The following HERC5 variants were observed in gnomAD, a reference collection of about 807,000 sequenced individuals.
HERC5 encodes E3 ISG15--protein ligase HERC5.
In HERC5, 99 loss-of-function variants were observed where a neutral mutation model predicts 119.6. That is an observed-to-expected ratio of 0.83 (90% CI 0.70 to 0.98). HERC5 has a LOEUF of 0.98. HERC5 is among the 50% of genes least tolerant of loss of function. The pLI is 0.00. For missense variants in HERC5, 1,267 were observed against 1,241.3 expected, an observed-to-expected ratio of 1.02 and a Z score of -0.31; for synonymous variants, 478 against 445.9, an observed-to-expected ratio of 1.07 and a Z score of -0.91.
chr4:88,505,594 A>T, intron 22 of HERC5, 79 bp from the exon 23 acceptor site: 1 of 823,004 alleles, frequency 1.2e-6, no homozygotes, highest in Non-Finnish European at 1.9e-6. Context: ...AAGTTTTGTG[A>T]ATAAATAGAT....
chr4:88,472,419 G>C lies in HERC5; in HGVS notation c.1309G>C (p.Glu437Gln). The C allele has an allele frequency of 6.3e-7, 1 of 1,580,900 alleles. No individual in the cohort carries two copies. Among genetic ancestry groups the C allele is most frequent in the Non-Finnish European group, 8.7e-7 (1 of 1,154,012 alleles). ...GSFLRKRRTT[E>Q]MMPVYLDLNK... ...ATCTTTCTTCTACAGAAGAACTACA[G>C]AAATGATGCCTGTTTATTTGGACTT... is the stretch of plus-strand genomic sequence containing the variant. Residue 437 changes from glutamate to glutamine, a missense_variant, in exon 11 of 23, where the codon GAA (glutamate) becomes CAA (glutamine). Transcript: ENST00000264350.
At chr4:88,465,073 A>G (rs1413504782) in intron 6 of HERC5, among the ~76,000 whole-genome samples, 1 of 151,996 alleles carries the variant, frequency 6.6e-6, no homozygotes, top group Non-Finnish European at 1.5e-5. Flanking sequence ...CCTGGCCACA[A>G]CCGGCTAATT....
chr4:88,494,205 T>C lies in HERC5; in HGVS notation c.2318T>C (p.Leu773Pro). Reference protein sequence around the residue: ...EKKRYFFFGVLCGLSLFNCNV... With the variant: ...EKKRYFFFGVPCGLSLFNCNV... Reference sequence around the variant, plus strand: ...AAAAGATACTTCTTTTTTGGGGTTCTATGTGGACTTTCCCTGTTCAATTGC... The same window carrying C: ...AAAAGATACTTCTTTTTTGGGGTTCCATGTGGACTTTCCCTGTTCAATTGC... Residue 773 changes from leucine to proline, a missense_variant, in exon 18 of 23, where the codon CTA becomes CCA. Physicochemically the swap from Leu to Pro is moderately conservative, Grantham distance 98. This residue lies in a region of HERC5 where 473 missense variants were observed against 445.7 expected (regional missense o/e 1.06). Coordinates refer to ENST00000264350, the MANE Select transcript of HERC5 (RefSeq NM_016323.4). The C allele has an allele frequency of 6.2e-7, 1 of 1,613,082 alleles. No individual in the cohort carries two copies. The highest frequency in any genetic ancestry group is 2.2e-5 in the East Asian group (1 of 44,814).
chr4:88,463,833 A>C, intron 5 of HERC5, 22 bp from the exon 6 acceptor site: 2 of 1,612,152 alleles, frequency 1.2e-6, no homozygotes, highest in East Asian at 4.5e-5. Context: ...CTAGCATCTG[A>C]TATGACATTC....
chr4:88,464,115 T>TCTAA, intron 6 of HERC5, 130 bp downstream of exon 6: 7 of 660,044 alleles, frequency 1.1e-5, no homozygotes, highest in South Asian at 3.1e-5. Context: ...GCTTAATTTA[T>TCTAA]ATTATTTAGA....
At chr4:88,495,351 C>G (rs1159455769) in intron 18 of HERC5, among the ~76,000 whole-genome samples, 1 of 152,100 alleles carries the variant, frequency 6.6e-6, no homozygotes, top group African/African-American at 2.4e-5. Flanking sequence ...GAGTTTGAGA[C>G]CTGCCTGACC....
At chr4:88,469,096 G>A in intron 8 of HERC5, 61 bp from the exon 9 acceptor site, 1 of 1,056,504 alleles carries the variant, frequency 9.5e-7, no homozygotes, top group Non-Finnish European at 1.5e-6. Flanking sequence ...GTACCTAAAA[G>A]TTGGGTGCCT....
At chr4:88,468,056 C>A in intron 7 of HERC5, 1 of 210,438 alleles carries the variant, frequency 4.8e-6, no homozygotes, top group Non-Finnish European at 8.8e-6. Context: ...TTGAATTAAA[C>A]TGATAACATT....
At position 88,489,154 on chromosome 4, in the gene HERC5, C is replaced by T; in HGVS notation, c.1963-12C>T. On this transcript the variant is annotated splice_polypyrimidine_tract_variant and intron_variant, in intron 15 of 22. Coordinates refer to ENST00000264350, the MANE Select transcript of HERC5 (RefSeq NM_016323.4). ...AAAATGAAGTGTAATATTTCTGTTT[C>T]TGTTTTCCTAGAGTAAAAAACATAA... The T allele has an allele frequency of 6.3e-7, 1 of 1,591,532 alleles. No individual in the cohort carries two copies. The highest frequency in any genetic ancestry group is 8.5e-7 in the Non-Finnish European group (1 of 1,171,344).
intron 21 of HERC5, 37 bp from the exon 22 acceptor site, chr4:88,504,458 C>CT: frequency 6.4e-7 from 1 of 1,565,794 alleles, no homozygotes; most frequent in Non-Finnish European, 8.7e-7. Flanking sequence ...GTTTTCCTTC[C>CT]TATTTCCTCA....
At chr4:88,463,763 A>G in intron 5 of HERC5, 92 bp from the exon 6 acceptor site, 2 of 1,456,008 alleles carry the variant, frequency 1.4e-6, no homozygotes, top group African/African-American at 2.8e-5. Context: ...TTACTTTGAC[A>G]GTGCTATTTA....
Position 88,462,292 on chromosome 4 carries a change from G to A in HERC5, c.624G>A (p.Met208Ile). The A allele has an allele frequency of 2.5e-6, 4 of 1,614,178 alleles. No individual in the cohort carries two copies. The highest frequency in any genetic ancestry group is 3.4e-6 in the Non-Finnish European group (4 of 1,180,030). Residue 208 changes from methionine to isoleucine, a missense_variant, in exon 4 of 23, where the codon ATG (methionine) becomes ATA (isoleucine). Physicochemically the swap from Met to Ile is conservative, Grantham distance 10. Transcript: ENST00000264350. The part of the protein sequence containing the change: ...AGEAHSMALS[M>I]SGNIYSWGKN... ...AAGCCCACAGCATGGCCTTATCCAT[G>A]TCTGGCAACATTTATTCATGGGGAA... is the stretch of plus-strand genomic sequence containing the variant.
intron 22 of HERC5, among the ~76,000 whole-genome samples, chr4:88,505,008 C>T (rs1316052013): frequency 2.6e-5 from 4 of 152,172 alleles, no homozygotes; most frequent in Admixed American, 2.0e-4. Flanking sequence ...ATGACTTTCT[C>T]ATTTTCTATT....
chr4:88,490,276 T>C (rs1741593327), intron 16 of HERC5, among the ~76,000 whole-genome samples: 1 of 152,120 alleles, frequency 6.6e-6, no homozygotes, highest in East Asian at 1.9e-4. Context: ...TCAACAACAT[T>C]ATGTGGCAGA....
At chr4:88,493,318 G>A (rs1741703405) in intron 17 of HERC5, among the ~76,000 whole-genome samples, 163 bp downstream of exon 17, 1 of 152,116 alleles carries the variant, frequency 6.6e-6, no homozygotes. Flanking sequence ...TCTTTAAAAT[G>A]GAGTTTCCTT....
intron 18 of HERC5, among the ~76,000 whole-genome samples, chr4:88,499,352 G>C (rs973291878): frequency 6.6e-6 from 1 of 152,224 alleles, no homozygotes; most frequent in Non-Finnish European, 1.5e-5. Flanking sequence ...CATGTATAAA[G>C]CATCATAGGA....
At chr4:88,467,256 G>A in intron 7 of HERC5, 52 bp downstream of exon 7, 2 of 1,558,342 alleles carry the variant, frequency 1.3e-6, no homozygotes, top group Non-Finnish European at 1.8e-6. Context: ...TAGAGAAAAT[G>A]ATTTTTCTAA....
intron 19 of HERC5, among the ~76,000 whole-genome samples, chr4:88,500,403 G>A (rs750518598): frequency 6.6e-6 from 1 of 152,198 alleles, no homozygotes; most frequent in Admixed American, 6.5e-5. Flanking sequence ...TTCTTCACAT[G>A]GTGGCCTTAG....
rs1457615791 is a variant in HERC5, at chr4:88,463,661, GA to G, written c.780+40del. 4 of 1,558,772 alleles carry G rather than the reference GA, an allele frequency of 2.6e-6. No individual in the cohort carries two copies. The Admixed American group carries it at 5.1e-5, about 20-fold the overall frequency. On this transcript the variant is annotated intron_variant, in intron 5 of 22. Transcript: ENST00000264350. ...TTGTCTCTTTTTGGCTGTATTTTTA[GA>G]AGAACAGTTTGTATGGGAAGTTAGT...
Sources: allele counts gnomAD v4.1 joint callset (sites outside exome capture counted in the v4.1 genomes callset), GRCh38; gene constraint gnomAD v4.1.1; regional missense constraint gnomAD v4.1.1; transcripts MANE v1.5; gene names NCBI Gene and HGNC (gene_info 2026-07-23, HGNC 2026-07-21).